Variants in ANO10 observed in about 807,000 individuals in gnomAD.
ANO10 encodes anoctamin 10.
A neutral mutation model predicts 74.7 loss-of-function variants in ANO10; 77 were observed. That is an observed-to-expected ratio of 1.03 (90% CI 0.86 to 1.25). The LOEUF (loss-of-function observed/expected upper bound fraction) is 1.25, where lower values mean the gene tolerates loss of function less well. Ranked by LOEUF, ANO10 falls within the 50% of genes most tolerant of loss-of-function variation. ANO10 has a pLI of 0.00. For synonymous variants in ANO10, 279 were observed against 284.9 expected (o/e 0.98, Z 0.21); for missense variants, 721 against 778.1 (o/e 0.93, Z 0.87).
At chr3:43,592,922 G>A (rs2081870706) in intron 4 of ANO10, among the ~76,000 whole-genome samples, 1 of 152,170 alleles carries the variant, frequency 6.6e-6, no homozygotes, top group African/African-American at 2.4e-5. Flanking sequence ...TAAATGACCT[G>A]ATAGAGCTGA....
chr3:43,425,534 A>T (rs2092886971), intron 12 of ANO10, among the ~76,000 whole-genome samples: 1 of 152,178 alleles, frequency 6.6e-6, no homozygotes, highest in Non-Finnish European at 1.5e-5. Flanking sequence ...ACCTCAGAGA[A>T]TCCTGGAAAG....
intron 1 of ANO10, among the ~76,000 whole-genome samples, chr3:43,617,380 GC>G (rs1258009947): frequency 6.6e-6 from 1 of 152,034 alleles, no homozygotes; most frequent in Non-Finnish European, 1.5e-5. Flanking sequence ...CAGCAGCCAG[GC>G]TGATTATAAG....
chr3:43,549,878 T>C, intron 10 of ANO10, 30 bp from the exon 11 acceptor site: 1 of 1,611,896 alleles, frequency 6.2e-7, no homozygotes, highest in Non-Finnish European at 8.5e-7. Context: ...AAATTAAAAA[T>C]TGCAATGACT....
At chr3:43,484,800 CAG>C (rs2076400836) in intron 11 of ANO10, among the ~76,000 whole-genome samples, 1 of 152,160 alleles carries the variant, frequency 6.6e-6, no homozygotes, top group Admixed American at 6.5e-5. Flanking sequence ...AGGGTCCATT[CAG>C]TTGGTGGGGG....
At chr3:43,508,452 C>T (rs2077379552) in intron 11 of ANO10, among the ~76,000 whole-genome samples, 1 of 152,174 alleles carries the variant, frequency 6.6e-6, no homozygotes, top group Admixed American at 6.5e-5. Flanking sequence ...GGGCATATAC[C>T]CAAAGGATTA....
At chr3:43,485,480 TA>T (rs1002409542) in intron 11 of ANO10, among the ~76,000 whole-genome samples, 26 of 152,264 alleles carry the variant, frequency 1.7e-4, no homozygotes, top group Admixed American at 1.3e-3. Flanking sequence ...CGACTTCTAA[TA>T]GAGCTATAAC....
At position 43,575,376 on chromosome 3, in the gene ANO10, GA is replaced by G. The variant is rs570238325; in HGVS notation, c.1163-513del. 2.0e-5 allele frequency among the ~76,000 whole-genome samples: 3 copies of G among 152,260 alleles called. No individual in the cohort carries two copies. The South Asian group carries it at 6.2e-4, about 32-fold the overall frequency. On this transcript the variant is annotated intron_variant, in intron 6 of 12. Transcript: ENST00000292246. ...ATGACAAAAAGGAAGATTCTGAAGA[GA>G]AGTGTCATCTTACACATAGAGTGTT...
chr3:43,602,479 G>GCA (rs1485322590), intron 2 of ANO10, among the ~76,000 whole-genome samples: 1 of 152,096 alleles, frequency 6.6e-6, no homozygotes, highest in African/African-American at 2.4e-5. Context: ...TGAGATACAG[G>GCA]CACACACAAC....
chr3:43,485,885 T>C (rs2076465303), intron 11 of ANO10: 2 of 250,524 alleles, frequency 8.0e-6, no homozygotes, highest in Admixed American at 5.1e-5. Context: ...CTTCATGGCG[T>C]CCTCTCCGCG....
At chr3:43,444,947 C>A (rs1433267021) in intron 11 of ANO10, among the ~76,000 whole-genome samples, 1 of 151,792 alleles carries the variant, frequency 6.6e-6, no homozygotes, top group African/African-American at 2.4e-5. Context: ...CACGGTGAAA[C>A]CCCGTCTCTA....
chr3:43,465,238 T>C (rs1270234649), intron 11 of ANO10, among the ~76,000 whole-genome samples: 1 of 152,188 alleles, frequency 6.6e-6, no homozygotes, highest in Non-Finnish European at 1.5e-5. Context: ...ATATATATTC[T>C]GGGAAATGTG....
chr3:43,388,428 G>A (rs1338820964), intron 12 of ANO10, among the ~76,000 whole-genome samples: 1 of 152,092 alleles, frequency 6.6e-6, no homozygotes, highest in African/African-American at 2.4e-5. Flanking sequence ...GGCCCTGGGA[G>A]ATGGCATGTG....
Position 43,555,363 on chromosome 3 carries a change from G to T in ANO10, c.1583C>A (p.Thr528Asn). ...AAAFAVLNNF[T>N]EVNSDALKMC... ...TTTTAAGGCATCTGAATTTACTTCA[G>T]TGAAGTTATTTAACACAGCAAAGGC... Residue 528 changes from threonine (T) to asparagine (N), a missense_variant, in exon 10 of 13, where the codon ACT becomes AAT. Thr to Asn is a moderately conservative substitution (Grantham distance 65). Coordinates refer to ENST00000292246, the MANE Select transcript of ANO10 (RefSeq NM_018075.5). 1 of 1,614,156 alleles carries T rather than the reference G, an allele frequency of 6.2e-7. No individual in the cohort carries two copies. The highest frequency in any genetic ancestry group is 8.5e-7 in the Non-Finnish European group (1 of 1,180,018).
At chr3:43,690,917 C>T (rs2084357474) in intron 1 of ANO10, 3 of 1,474,472 alleles carry the variant, frequency 2.0e-6, no homozygotes, top group Admixed American at 4.6e-5. Context: ...CCTTAAGTGC[C>T]GCGCCAGCCC....
chr3:43,590,029 T>C (rs2081654342), intron 4 of ANO10, among the ~76,000 whole-genome samples: 1 of 152,240 alleles, frequency 6.6e-6, no homozygotes, highest in Admixed American at 6.5e-5. Context: ...AGACAACTTA[T>C]CATTGTCTAA....
At chr3:43,588,078 C>G (rs964451003) in intron 4 of ANO10, among the ~76,000 whole-genome samples, 7 of 152,082 alleles carry the variant, frequency 4.6e-5, no homozygotes, top group Non-Finnish European at 1.0e-4. Context: ...TATAGAAATT[C>G]TAACATACTT....
At chr3:43,437,649 C>T (rs1464168830) in intron 11 of ANO10, among the ~76,000 whole-genome samples, 2 of 152,118 alleles carry the variant, frequency 1.3e-5, no homozygotes, top group African/African-American at 2.4e-5. Flanking sequence ...AAAGAAATTA[C>T]AATCTCCTAA....
At chr3:43,458,148 G>C (rs1003686663) in intron 11 of ANO10, among the ~76,000 whole-genome samples, 54 of 152,170 alleles carry the variant, frequency 3.5e-4, no homozygotes, top group Non-Finnish European at 5.9e-4. Context: ...TATCCCCACT[G>C]TGCTATATAT....
intron 1 of ANO10, among the ~76,000 whole-genome samples, chr3:43,628,582 G>T (rs1332360004): frequency 6.6e-6 from 1 of 152,220 alleles, no homozygotes; most frequent in Non-Finnish European, 1.5e-5. Flanking sequence ...GACTGCTGGT[G>T]AGCCGGGCGG....
Sources: gnomAD v4.1 joint callset for allele counts (sites outside exome capture counted in the v4.1 genomes callset) on GRCh38, gnomAD v4.1.1 for gene constraint, MANE v1.5 for transcripts, NCBI Gene and HGNC (gene_info 2026-07-23, HGNC 2026-07-21) for gene names.